The following SCNN1D variants were observed in gnomAD, a reference collection of about 807,000 sequenced individuals.
SCNN1D encodes the protein sodium channel epithelial 1 subunit delta.
SCNN1D carries 104 observed loss-of-function variants against 87.8 expected under a neutral mutation model. That is an observed-to-expected ratio of 1.18 (90% CI 1.01 to 1.39). The LOEUF (loss-of-function observed/expected upper bound fraction) is 1.39. Among genes scored for constraint, SCNN1D ranks in the 40% most tolerant of loss-of-function variants. SCNN1D has a pLI of 0.00. For missense variants in SCNN1D, 1,324 were observed against 1,093.9 expected (o/e 1.21, Z -2.97); for synonymous variants, 628 against 481.2 (o/e 1.31, Z -3.99).
In SCNN1D at chr1:1,286,906, C is replaced by T. The variant is rs761715672; in HGVS notation, c.1050C>T (p.His350=). The change falls in exon 8 of 18, where the codon CAC becomes CAT. Residue 350 remains histidine (H), a synonymous_variant. Transcript: ENST00000379116. ...ATVPRHEPPF[H]LDREIRLQRL... The stretch of plus-strand genomic sequence containing the variant: ...TCCCCCGCCACGAGCCCCCCTTCCA[C>T]CTGGACCGGGAGATCCGTCTGCAGA... The T allele has an allele frequency of 4.1e-5, 66 of 1,612,494 alleles. No homozygotes were observed. Among genetic ancestry groups the T allele is most frequent in the Non-Finnish European group, 5.3e-5 (62 of 1,179,886 alleles).
Position 1,286,888 on chromosome 1 carries a change from C to G in SCNN1D, c.1032C>G (p.Arg344=), listed in dbSNP as rs1640604148. The change falls in exon 8 of 18, where the codon CGC becomes CGG. Residue 344 remains arginine (R), a synonymous_variant. Transcript: ENST00000379116. ...GRAALSATVP[R]HEPPFHLDRE... is the part of the protein sequence containing the mutation. Reference sequence around the variant, plus strand: ...CCGCCCTCTCCGCCACTGTCCCCCGCCACGAGCCCCCCTTCCACCTGGACC... The same window carrying G: ...CCGCCCTCTCCGCCACTGTCCCCCGGCACGAGCCCCCCTTCCACCTGGACC... 1 of 1,612,504 alleles carries G rather than the reference C, an allele frequency of 6.2e-7. No individual in the cohort carries two copies. The highest frequency in any genetic ancestry group is 1.3e-5 in the African/African-American group (1 of 74,906).
Position 1,291,878 on chromosome 1 carries a change from G to A in SCNN1D, c.*268G>A. On this transcript the variant is annotated 3_prime_UTR_variant, in exon 18 of 18. Coordinates refer to ENST00000379116, the MANE Select transcript of SCNN1D (RefSeq NM_001130413.4). The stretch of plus-strand genomic sequence containing the variant: ...TGCCGACACGCGGTGATGTACCCAT[G>A]CTCCGTGTGTCTGTGTCTGCATGTC... 2.6e-6 allele frequency: 1 copy of A among 379,960 alleles called. No individual in the cohort carries two copies. Among genetic ancestry groups the A allele is most frequent in the South Asian group, 8.0e-5 (1 of 12,504 alleles). 23.5% of individuals were successfully genotyped at this position (379,960 alleles called of 1,614,324 possible).
Position 1,286,171 on chromosome 1 carries a change from G to A in SCNN1D, c.804G>A (p.Gly268=), listed in dbSNP as rs867211841. Residue 268 remains glycine, a synonymous_variant, in exon 7 of 18, where the codon GGG becomes GGA. Coordinates refer to ENST00000379116, the MANE Select transcript of SCNN1D (RefSeq NM_001130413.4). ...GALVALCWQL[G]LLFERHWHRP... ...TGGTCGCGCTCTGCTGGCAGCTGGG[G>A]CTCCTCTTTGAGCGTCACTGGCACC... The A allele has an allele frequency of 1.0e-5, 16 of 1,605,970 alleles. No individual in the cohort carries two copies. The highest frequency in any genetic ancestry group is 3.3e-4 in the Middle Eastern group (2 of 6,078).
rs1052047040 is a variant in SCNN1D, at chr1:1,286,204, C to T, written c.837C>T (p.Val279=). 1 of 1,601,038 alleles carries T rather than the reference C, an allele frequency of 6.2e-7. No individual in the cohort carries two copies. The highest frequency in any genetic ancestry group is 8.5e-7 in the Non-Finnish European group (1 of 1,177,948). Reference sequence around the variant, plus strand: ...TTGAGCGTCACTGGCACCGCCCGGTCCTCATGGCCGTCTCTGTGCACTCGG... The same window carrying T: ...TTGAGCGTCACTGGCACCGCCCGGTTCTCATGGCCGTCTCTGTGCACTCGG... ...LLFERHWHRP[V]LMAVSVHSER... is the part of the protein sequence containing the mutation. The change falls in exon 7 of 18, where the codon GTC becomes GTT. Residue 279 remains valine (V), a synonymous_variant. Transcript: ENST00000379116.
chr1:1,286,626 C>G, intron 7 of SCNN1D, 142 bp from the exon 8 acceptor site: 1 of 809,168 alleles, frequency 1.2e-6, no homozygotes, highest in South Asian at 1.8e-5. Flanking sequence ...CCACGGCCTC[C>G]AACTCCAGCT....
At position 1,291,035 on chromosome 1, in the gene SCNN1D, C is replaced by T. The variant is rs764267489; in HGVS notation, c.1977-30C>T. 61 of 1,607,224 alleles carry T rather than the reference C, an allele frequency of 3.8e-5. 1 individual carries two copies. The East Asian group carries it at 1.2e-3, about 31-fold the overall frequency. On this transcript the variant is annotated intron_variant, in intron 16 of 17. Coordinates refer to ENST00000379116, the MANE Select transcript of SCNN1D (RefSeq NM_001130413.4). ...CCCTCCCCATCATGAAGGTCTGGGC[C>T]AGCGCCCTCATGCCTCTATCCTGCC...
chr1:1,281,847 C>T (rs983659132), intron 3 of SCNN1D: 4 of 588,088 alleles, frequency 6.8e-6, no homozygotes, highest in African/African-American at 3.7e-5. Context: ...TGGGCTCTTT[C>T]TCTCTCTGCA....
rs574136254 is a variant in SCNN1D, at chr1:1,290,719, G to C, written c.1917+25G>C. 9.6e-5 allele frequency: 155 copies of C among 1,611,992 alleles called. 5 individuals carry two copies. The highest frequency in any genetic ancestry group is 1.7e-4 in the Middle Eastern group (1 of 6,002). On this transcript the variant is annotated intron_variant, in intron 15 of 17. Coordinates refer to ENST00000379116, the MANE Select transcript of SCNN1D (RefSeq NM_001130413.4). Reference sequence around the variant, plus strand: ...TGTGAGTCCCCAAAGTGGTGGGGTGGGGGTGTGGACAGCCAGGCAGACCCC... The same window carrying C: ...TGTGAGTCCCCAAAGTGGTGGGGTGCGGGTGTGGACAGCCAGGCAGACCCC...
chr1:1,281,642 C>T (rs1488654017), intron 3 of SCNN1D, 32 bp downstream of exon 3: 6 of 1,522,304 alleles, frequency 3.9e-6, no homozygotes, highest in Non-Finnish European at 5.3e-6. Flanking sequence ...GAGGCCTTGC[C>T]CGGGAGGAGG....
In SCNN1D at chr1:1,286,114, G is replaced by T; in HGVS notation, c.747G>T (p.Thr249=). 1.2e-6 allele frequency: 2 copies of T among 1,610,634 alleles called. No individual in the cohort carries two copies. Among genetic ancestry groups the T allele is most frequent in the Non-Finnish European group, 1.7e-6 (2 of 1,179,396 alleles). Residue 249 remains threonine, a synonymous_variant, in exon 7 of 18, where the codon ACG becomes ACT. Transcript: ENST00000379116. The part of the protein sequence containing the change: ...LVCSRGNRLK[T]TSWGLLSLGA... ...GCTCCCGCGGGAACCGCCTCAAGAC[G>T]ACGTCCTGGGGGCTGCTGTCCCTGG...
At position 1,281,444 on chromosome 1, in the gene SCNN1D, C is replaced by A; in HGVS notation, c.111C>A (p.Thr37=). The change falls in exon 3 of 18, where the codon ACC becomes ACA. Residue 37 remains threonine (T), a synonymous_variant. Transcript: ENST00000379116. ...GGTCATGGTGCAGTGACCACAGGAC[C>A]CCCACATGCCGGGAGCTGGGTTCGC... ...LTWSWCSDHR[T]PTCRELGSPH... is the part of the protein sequence containing the mutation. The A allele has an allele frequency of 6.6e-7, 1 of 1,519,512 alleles. No homozygotes were observed. 94.1% of individuals were successfully genotyped at this position (1,519,512 alleles called of 1,614,324 possible). A position where few individuals can be genotyped will look rare whatever the true frequency, so the allele number is the denominator to read the frequency against.
At chr1:1,290,179 CCGTCCCG>C (rs1640747444) in intron 12 of SCNN1D, 85 bp from the exon 13 acceptor site, 1 of 749,802 alleles carries the variant, frequency 1.3e-6, no homozygotes, top group Non-Finnish European at 2.1e-6. Flanking sequence ...TGTCCCTGCT[CCGTCCCG>C]TGTCCCTGCT....
chr1:1,285,820 C>G (rs766996696), intron 6 of SCNN1D, 106 bp from the exon 7 acceptor site: 9 of 1,283,530 alleles, frequency 7.0e-6, no homozygotes, highest in Middle Eastern at 1.9e-4. Flanking sequence ...TCCGAGCGAC[C>G]GAGCAGGTAG....
chr1:1,281,182 T>A, intron 1 of SCNN1D, 44 bp from the exon 2 acceptor site: 1 of 1,518,144 alleles, frequency 6.6e-7, no homozygotes, highest in Non-Finnish European at 8.8e-7. Flanking sequence ...GGATAGGAGG[T>A]CCTGGCTGGG....
rs542791510 is a variant in SCNN1D, at chr1:1,284,048, C to T, written c.422C>T (p.Thr141Met). The T allele has an allele frequency of 1.3e-4, 176 of 1,326,974 alleles. 3 individuals carry two copies. In the Middle Eastern group the frequency reaches 5.7e-3, roughly 43 times the overall value. The allele number at this position is 1,326,974 out of a possible 1,614,324, so 82.2% of individuals were successfully genotyped here. A position where few individuals can be genotyped will look rare whatever the true frequency, so the allele number is the denominator to read the frequency against. The change falls in exon 5 of 18, where the codon ACG (threonine) becomes ATG (methionine). Residue 141 changes from threonine (T) to methionine (M), a missense_variant. Physicochemically the swap from Thr to Met is moderately conservative, Grantham distance 81. Transcript: ENST00000379116. ...PPQWLSTEAW[T>M]GEWKQPHGGA... ...CAATGGCTGAGCACCGAAGCATGGA[C>T]GGGAGAATGGAAGCAGCCACACGGG...
intron 9 of SCNN1D, 94 bp downstream of exon 9, chr1:1,287,393 C>A: frequency 6.7e-7 from 1 of 1,486,318 alleles, no homozygotes; most frequent in Non-Finnish European, 9.0e-7. Flanking sequence ...TGGGAGCCAC[C>A]CAAGGCTGGC....
Position 1,287,203 on chromosome 1 carries a change from TG to T in SCNN1D, c.1216del (p.Ala406ProfsTer159). On this transcript the variant is annotated frameshift_variant, in exon 9 of 18. Coordinates refer to ENST00000379116, the MANE Select transcript of SCNN1D (RefSeq NM_001130413.4). LOFTEE classifies it high-confidence loss of function. ...DWYHFHYVDI[L>X]ALLPAAWEDS... ...TACCACTTCCACTATGTGGATATCCTGGCCCTGCTGCCCGCGGCATGGGAGG... is the reference window on the plus strand; with the variant it reads ...TACCACTTCCACTATGTGGATATCCTGCCCTGCTGCCCGCGGCATGGGAGG... The T allele has an allele frequency of 6.2e-6, 10 of 1,612,254 alleles. No homozygotes were observed. Among genetic ancestry groups the T allele is most frequent in the Non-Finnish European group, 8.5e-6 (10 of 1,179,700 alleles).
chr1:1,286,727 C>T (rs1352150232), intron 7 of SCNN1D, 41 bp from the exon 8 acceptor site: 5 of 1,581,934 alleles, frequency 3.2e-6, no homozygotes, highest in Non-Finnish European at 4.3e-6. Context: ...CAGTGTGAGG[C>T]CCCGGGCCGG....
At chr1:1,288,292 G>C (rs1282640538) in intron 12 of SCNN1D, among the ~76,000 whole-genome samples, 2 of 71,884 alleles carry the variant, frequency 2.8e-5, no homozygotes, top group African/African-American at 1.8e-4. Context: ...TCTCTGCTCC[G>C]TCCCGTGTCT....
Sources: gnomAD v4.1 joint callset for allele counts (sites outside exome capture counted in the v4.1 genomes callset) on GRCh38, gnomAD v4.1.1 for gene constraint, MANE v1.5 for transcripts, NCBI Gene and HGNC (gene_info 2026-07-23, HGNC 2026-07-21) for gene names.